PCDHA8: variants seen among roughly 807,000 people sequenced by gnomAD.
PCDHA8 encodes protocadherin alpha-8.
PCDHA8 carries 53 observed loss-of-function variants against 61.8 expected under a neutral mutation model. The observed-to-expected ratio is 0.86, with a 90% CI of 0.69 to 1.08. The LOEUF (loss-of-function observed/expected upper bound fraction) is 1.08, where lower values mean the gene tolerates loss of function less well. Ranked by LOEUF, PCDHA8 falls within the 50% of genes least tolerant of loss-of-function variation. The pLI is 0.00. For synonymous variants in PCDHA8, 618 were observed against 556.6 expected (o/e 1.11, Z -1.55); for missense variants, 1,293 against 1,245.0 (o/e 1.04, Z -0.58).
chr5:140,937,069 G>A (rs1385358225), intron 1 of PCDHA8, among the ~76,000 whole-genome samples: 3 of 138,378 alleles, frequency 2.2e-5, no homozygotes, highest in South Asian at 2.2e-4. Context: ...ACGGAGTCTC[G>A]CTCTGTCGCC....
At chr5:140,869,582 C>T (rs936485472) in intron 1 of PCDHA8, 7 of 1,614,088 alleles carry the variant, frequency 4.3e-6, no homozygotes, top group Middle Eastern at 1.6e-4. Context: ...GCTTCTGATG[C>T]TGACATTGAA....
chr5:140,968,639 G>C (rs1278507600), intron 1 of PCDHA8: 1 of 1,614,032 alleles, frequency 6.2e-7, no homozygotes, highest in Non-Finnish European at 8.5e-7. Flanking sequence ...TTACCATCTA[G>C]CCCAGACTTC....
rs1311256758 is a variant in PCDHA8 at position 140,857,805 on chromosome 5, C to A, written c.2394+14090C>A. 13 of 1,597,714 alleles carry A rather than the reference C, an allele frequency of 8.1e-6. 1 individual carries two copies. The highest frequency in any genetic ancestry group is 1.7e-5 in the Admixed American group (1 of 59,256). On this transcript the variant is annotated intron_variant, in intron 1 of 3. Transcript: ENST00000531613. ...GAGCTGGTGCTGCGGTCGGTGGTTG[C>A]GGGTCACGTGGTGGCTAAGGTGCGC... is the stretch of plus-strand genomic sequence containing the variant.
intron 1 of PCDHA8, among the ~76,000 whole-genome samples, chr5:140,933,313 C>T (rs977318847): frequency 3.9e-5 from 6 of 151,916 alleles, no homozygotes; most frequent in African/African-American, 1.4e-4. Context: ...TATGCAATCT[C>T]GTATTCTCCT....
At chr5:140,986,052 C>A (rs896963006) in intron 3 of PCDHA8, among the ~76,000 whole-genome samples, 3 of 152,066 alleles carry the variant, frequency 2.0e-5, no homozygotes, top group Admixed American at 1.3e-4. Flanking sequence ...CTGATGAATT[C>A]TTTTGCTTTT....
At chr5:140,968,278 G>A in intron 1 of PCDHA8, 1 of 1,614,014 alleles carries the variant, frequency 6.2e-7, no homozygotes, top group Non-Finnish European at 8.5e-7. Context: ...ATGCAGAGGT[G>A]ACCTACTCCC....
At chr5:140,988,959 C>G (rs1308701267) in intron 3 of PCDHA8, 3 of 152,056 alleles carry the variant, frequency 2.0e-5, no homozygotes, top group Non-Finnish European at 4.4e-5. Context: ...CCTTCAAGCC[C>G]CACGATGGAG....
intron 1 of PCDHA8, among the ~76,000 whole-genome samples, chr5:140,895,476 G>A (rs928938592): frequency 6.6e-6 from 1 of 152,074 alleles, no homozygotes; most frequent in Non-Finnish European, 1.5e-5. Context: ...ATCCTCTTCG[G>A]AGAAATACCT....
chr5:140,903,908 T>G (rs1248455998), intron 1 of PCDHA8, among the ~76,000 whole-genome samples: 2 of 152,242 alleles, frequency 1.3e-5, no homozygotes, highest in East Asian at 1.9e-4. Flanking sequence ...GTCAATGATG[T>G]GACTTCCTTG....
intron 1 of PCDHA8, among the ~76,000 whole-genome samples, chr5:140,960,851 T>C (rs782540669): frequency 5.3e-5 from 8 of 152,210 alleles, no homozygotes; most frequent in Non-Finnish European, 7.3e-5. Context: ...TAATGGCAAC[T>C]ATAAGCCAGA....
chr5:140,848,583 C>T (rs2040479456), intron 1 of PCDHA8: 1 of 1,595,014 alleles, frequency 6.3e-7, no homozygotes, highest in Non-Finnish European at 8.6e-7. Flanking sequence ...GGGGAGCGGC[C>T]AGCTCCACTA....
intron 3 of PCDHA8, among the ~76,000 whole-genome samples, chr5:141,000,365 C>G (rs1413548696): frequency 7.8e-5 from 1 of 12,832 alleles, no homozygotes; most frequent in Non-Finnish European, 1.3e-4. Flanking sequence ...CTCTCTGTCT[C>G]TCTCTCTCTC....
chr5:140,870,388 G>T, intron 1 of PCDHA8: 1 of 1,614,232 alleles, frequency 6.2e-7, no homozygotes. Context: ...TGCGCGGGAT[G>T]GGGGTTCGCC....
intron 1 of PCDHA8, chr5:140,860,593 T>C (rs782239381): frequency 6.6e-6 from 1 of 152,050 alleles, no homozygotes. Flanking sequence ...GGAAAGGAGT[T>C]GGAAGCTCAC....
intron 1 of PCDHA8, chr5:140,869,456 A>G (rs782269395): frequency 1.9e-6 from 3 of 1,614,072 alleles, no homozygotes; most frequent in Non-Finnish European, 2.5e-6. Flanking sequence ...CAGGTTTTCC[A>G]TGTGAACGTG....
At chr5:140,926,804 C>T (rs1298226109) in intron 1 of PCDHA8, 4 of 1,455,652 alleles carry the variant, frequency 2.7e-6, no homozygotes, top group East Asian at 2.5e-5. Context: ...TGCTCTTCCC[C>T]GCGGCTCGTG....
chr5:140,850,166 C>G (rs1248475012), intron 1 of PCDHA8: 1 of 1,594,750 alleles, frequency 6.3e-7, no homozygotes, highest in Non-Finnish European at 8.6e-7. Context: ...TCGTGCTGGA[C>G]GAGAACGACA....
chr5:141,001,387 C>T (rs1282982040), intron 3 of PCDHA8, among the ~76,000 whole-genome samples: 3 of 152,188 alleles, frequency 2.0e-5, no homozygotes, highest in African/African-American at 7.2e-5. Context: ...GCCTAAGATC[C>T]TACAGAGAAC....
chr5:140,910,944 C>A (rs1177154353), intron 1 of PCDHA8, among the ~76,000 whole-genome samples: 1 of 152,146 alleles, frequency 6.6e-6, no homozygotes, highest in Non-Finnish European at 1.5e-5. Flanking sequence ...TCAAGCAGTT[C>A]TTTTCGAGTG....
Sources: gnomAD v4.1 joint callset for allele counts (sites outside exome capture counted in the v4.1 genomes callset) on GRCh38, gnomAD v4.1.1 for gene constraint, MANE v1.5 for transcripts, NCBI Gene and HGNC (gene_info 2026-07-23, HGNC 2026-07-21) for gene names.